The following ZNF521 variants were observed in gnomAD, a reference collection of about 807,000 sequenced individuals.
ZNF521 encodes the protein zinc finger protein 521, also known as LYST-interacting protein 3.
ZNF521 carries 14 observed loss-of-function variants against 105.5 expected under a neutral mutation model. The observed-to-expected ratio is 0.13, with a 90% CI of 0.09 to 0.21. The LOEUF (loss-of-function observed/expected upper bound fraction) is 0.21. Among genes scored for constraint, ZNF521 ranks in the 10% least tolerant of loss-of-function variants. The pLI, the probability that ZNF521 is intolerant of heterozygous loss-of-function variation, is 1.00. For synonymous variants in ZNF521, 635 were observed against 606.0 expected (o/e 1.05, Z -0.70); for missense variants, 1,233 against 1,629.7 (o/e 0.76, Z 4.19).
intron 7 of ZNF521, among the ~76,000 whole-genome samples, chr18:25,076,177 G>C (rs988091042): frequency 6.6e-6 from 1 of 152,190 alleles, no homozygotes; most frequent in Non-Finnish European, 1.5e-5. Context: ...CACAGTGAGC[G>C]TTCAAAAACC....
Position 25,092,062 on chromosome 18 carries a change from T to C in ZNF521, c.3678A>G (p.Glu1226=). 2 of 1,614,002 alleles carry C rather than the reference T, an allele frequency of 1.2e-6. No individual in the cohort carries two copies. The highest frequency in any genetic ancestry group is 1.1e-5 in the South Asian group (1 of 91,080). The change falls in exon 6 of 8, where the codon GAA becomes GAG. Residue 1226 remains glutamate (E), a synonymous_variant. Transcript: ENST00000361524. Reference sequence around the variant, plus strand: ...CAAAGGTCTGGCTGCAGAGTTTGCATTCATGGTTCAGTCCTTCATCTGTCA... The same window carrying C: ...CAAAGGTCTGGCTGCAGAGTTTGCACTCATGGTTCAGTCCTTCATCTGTCA... ...NHMIDEGLNH[E]CKLCSQTFDS...
chr18:25,226,905 C>T lies in ZNF521; in HGVS notation c.1013G>A (p.Cys338Tyr), dbSNP rs752609183. The change falls in exon 4 of 8, where the codon TGC (cysteine) becomes TAC (tyrosine). Residue 338 changes from cysteine to tyrosine, a missense_variant. This residue lies in a region of ZNF521 where 380 missense variants were observed against 478.0 expected (regional missense o/e 0.80). Transcript: ENST00000361524. This position sits in a 1 kb window ranked among gnomAD's most constrained non-coding sequence, Gnocchi z 4.1. ...CAGGGAAGGGCTGTTGCTGTGATTG[C>T]ATGACTCCGGTTGCTGGTGACTGTC... ...HMDSHQQPES[C>Y]NHSNSPSLVT... 2 of 1,613,888 alleles carry T rather than the reference C, an allele frequency of 1.2e-6. No homozygotes were observed. Among genetic ancestry groups the T allele is most frequent in the East Asian group, 2.2e-5 (1 of 44,828 alleles).
At chr18:25,323,078 G>A (rs2145150397) in intron 2 of ZNF521, among the ~76,000 whole-genome samples, 1 of 152,098 alleles carries the variant, frequency 6.6e-6, no homozygotes, top group South Asian at 2.1e-4. Flanking sequence ...TCCTCCCAAA[G>A]AGGGAGGAAG....
chr18:25,111,857 C>T (rs541364657), intron 5 of ZNF521, among the ~76,000 whole-genome samples: 1 of 152,214 alleles, frequency 6.6e-6, no homozygotes, highest in Non-Finnish European at 1.5e-5. Context: ...GGTTTTACTG[C>T]ATCTTGAGAC....
At chr18:25,153,996 T>G (rs2144497864) in intron 5 of ZNF521, among the ~76,000 whole-genome samples, 1 of 152,262 alleles carries the variant, frequency 6.6e-6, no homozygotes, top group East Asian at 1.9e-4. Context: ...ACAGAAACAA[T>G]GACAAGATTA....
intron 7 of ZNF521, among the ~76,000 whole-genome samples, chr18:25,070,381 G>A (rs2033187917): frequency 6.6e-6 from 1 of 152,164 alleles, no homozygotes; most frequent in Non-Finnish European, 1.5e-5. Flanking sequence ...ACACTGGCAT[G>A]TTGATGAGTT....
chr18:25,084,888 C>T (rs1330314546), intron 7 of ZNF521, among the ~76,000 whole-genome samples: 2 of 152,158 alleles, frequency 1.3e-5, no homozygotes, highest in African/African-American at 2.4e-5. Context: ...ACACCACTTG[C>T]TCACACCTGC....
At chr18:25,170,191 A>C (rs2035422258) in intron 5 of ZNF521, among the ~76,000 whole-genome samples, 2 of 152,052 alleles carry the variant, frequency 1.3e-5, no homozygotes, top group African/African-American at 4.8e-5. Context: ...TCAATGCTCA[A>C]GTCACAAAAC....
chr18:25,122,864 C>T (rs1003349760), intron 5 of ZNF521, among the ~76,000 whole-genome samples: 1 of 152,024 alleles, frequency 6.6e-6, no homozygotes, highest in African/African-American at 2.4e-5. Flanking sequence ...AAAAAAACAT[C>T]AGGAACTAGC....
At chr18:25,083,790 G>GTC (rs538440894) in intron 7 of ZNF521, among the ~76,000 whole-genome samples, 40 of 150,158 alleles carry the variant, frequency 2.7e-4, no homozygotes, top group Non-Finnish European at 3.7e-4. Context: ...TTGAGACAAG[G>GTC]TCTCTCTCTC....
At chr18:25,090,611 GAT>G (rs1355596728) in intron 6 of ZNF521, among the ~76,000 whole-genome samples, 1 of 152,150 alleles carries the variant, frequency 6.6e-6, no homozygotes, top group African/African-American at 2.4e-5. Flanking sequence ...GACTGTGCAC[GAT>G]TAATGCATTT....
At chr18:25,303,275 T>C (rs1193097733) in intron 3 of ZNF521, among the ~76,000 whole-genome samples, 2 of 100,970 alleles carry the variant, frequency 2.0e-5, no homozygotes, top group Non-Finnish European at 4.0e-5. Context: ...TTCTTTCGTG[T>C]GTGTGTGTGT....
chr18:25,309,244 G>A lies in ZNF521; in HGVS notation c.220+12764C>T, dbSNP rs142626934. 1.8e-4 allele frequency among the ~76,000 whole-genome samples: 28 copies of A among 152,300 alleles called. No individual in the cohort carries two copies. The East Asian group carries it at 4.8e-3, about 26-fold the overall frequency. ...CAAGTGACAAAATAGTATCAATAAC[G>A]CCAAGAGAAGCTCCGCTTAGGTTTC... On this transcript the variant is annotated intron_variant, in intron 3 of 7. Coordinates refer to ENST00000361524, the MANE Select transcript of ZNF521 (RefSeq NM_015461.3).
chr18:25,349,554 G>T (rs1427267400), intron 2 of ZNF521, among the ~76,000 whole-genome samples: 2 of 152,208 alleles, frequency 1.3e-5, no homozygotes, highest in African/African-American at 2.4e-5. Flanking sequence ...CTTTGTGTGT[G>T]CGGTGAGGGC....
Position 25,224,447 on chromosome 18 carries a change from G to A in ZNF521, c.3471C>T (p.Ile1157=). 6.2e-7 allele frequency: 1 copy of A among 1,612,430 alleles called. No individual in the cohort carries two copies. Among genetic ancestry groups the A allele is most frequent in the Non-Finnish European group, 8.5e-7 (1 of 1,179,306 alleles). The change falls in exon 4 of 8, where the codon ATC becomes ATT. Residue 1157 remains isoleucine, a synonymous_variant. Transcript: ENST00000361524. The part of the protein sequence containing the change: ...FESESELQNH[I]QTIHRELVPD... ...GCACGAGCTCTCGGTGGATGGTTTG[G>A]ATGTGGTTCTGGAGTTCACTTTCAG...
At chr18:25,071,912 TA>T (rs2033234268) in intron 7 of ZNF521, among the ~76,000 whole-genome samples, 1 of 151,034 alleles carries the variant, frequency 6.6e-6, no homozygotes, top group Admixed American at 6.6e-5. Context: ...GAGGCAGAGG[TA>T]AAAAGGGAGA....
intron 3 of ZNF521, among the ~76,000 whole-genome samples, chr18:25,314,461 C>T (rs1276544755): frequency 6.6e-6 from 1 of 152,100 alleles, no homozygotes; most frequent in African/African-American, 2.4e-5. Context: ...TATGAAGCTT[C>T]CAGGAAGTTT....
chr18:25,069,076 C>T (rs1447845785), intron 7 of ZNF521, among the ~76,000 whole-genome samples: 1 of 152,168 alleles, frequency 6.6e-6, no homozygotes, highest in East Asian at 1.9e-4. Context: ...TGGCTTAGAG[C>T]TTTTAGTACT....
chr18:25,208,165 T>C (rs2036115455), intron 4 of ZNF521, among the ~76,000 whole-genome samples: 1 of 152,208 alleles, frequency 6.6e-6, no homozygotes, highest in African/African-American at 2.4e-5. Context: ...TCCTGCCAGC[T>C]CTTCACAGTC....
Sources: allele counts gnomAD v4.1 joint callset (sites outside exome capture counted in the v4.1 genomes callset), GRCh38; gene constraint gnomAD v4.1.1; regional missense constraint gnomAD v4.1.1; non-coding constraint Gnocchi (gnomAD v3.1); transcripts MANE v1.5; gene names NCBI Gene and HGNC (gene_info 2026-07-23, HGNC 2026-07-21).